The following AGFG1 variants were observed in gnomAD, a reference collection of about 807,000 sequenced individuals.
AGFG1 encodes arf-GAP domain and FG repeat-containing protein 1.
Under a neutral mutation model 60.6 loss-of-function variants are expected in AGFG1, and 10 were observed. That is an observed-to-expected ratio of 0.16 (90% CI 0.10 to 0.28). The LOEUF (loss-of-function observed/expected upper bound fraction) is 0.28. AGFG1 is among the 10% of genes least tolerant of loss of function. The probability of loss-of-function intolerance (pLI) is 1.00; values close to 1 mark genes in which losing one functional copy is unlikely to be tolerated. For missense variants in AGFG1, 537 were observed against 676.5 expected, an observed-to-expected ratio of 0.79 and a Z score of 2.29; for synonymous variants, 247 against 242.9, an observed-to-expected ratio of 1.02 and a Z score of -0.16.
chr2:227,535,162 T>A, intron 8 of AGFG1, 137 bp downstream of exon 8: 1 of 934,860 alleles, frequency 1.1e-6, no homozygotes, highest in East Asian at 2.8e-5. Flanking sequence ...GGAATTTGAA[T>A]TTAAATGCTA....
chr2:227,538,305 TACAGCCAGCCAAAC>T (rs1692373656), intron 10 of AGFG1, among the ~76,000 whole-genome samples: 1 of 152,226 alleles, frequency 6.6e-6, no homozygotes, highest in Non-Finnish European at 1.5e-5. Context: ...ATATTTTGAG[TACAGCCAGCCAAAC>T]TTGTGTTCGA....
chr2:227,540,201 T>TG (rs1031361767), intron 10 of AGFG1, among the ~76,000 whole-genome samples: 1 of 151,740 alleles, frequency 6.6e-6, no homozygotes, highest in African/African-American at 2.4e-5. Flanking sequence ...GCTTTAGTTT[T>TG]TTTTTTTTTT....
At chr2:227,544,659 A>G (rs1019105786) in intron 10 of AGFG1, among the ~76,000 whole-genome samples, 36 of 152,152 alleles carry the variant, frequency 2.4e-4, no homozygotes, top group Non-Finnish European at 1.5e-5. Flanking sequence ...CCTGGTGGTG[A>G]CAGAATCTCT....
chr2:227,532,319 A>G (rs1270994018), intron 6 of AGFG1: 30 of 756,698 alleles, frequency 4.0e-5, no homozygotes, highest in Non-Finnish European at 3.9e-6. Context: ...ATAATCCTTC[A>G]TAAAAATCTC....
In AGFG1 at chr2:227,536,609, C is replaced by G. The variant is rs751364080; in HGVS notation, c.1206-16C>G. ...TTTTAAGAAAAAAAATGAACTCTTT[C>G]AATATTTGTTCTCAGCAATGTTTTT... On this transcript the variant is annotated splice_polypyrimidine_tract_variant and intron_variant, in intron 8 of 12. Coordinates refer to ENST00000310078, the MANE Select transcript of AGFG1 (RefSeq NM_004504.5). 8 of 1,605,088 alleles carry G rather than the reference C, an allele frequency of 5.0e-6. No individual in the cohort carries two copies. Among genetic ancestry groups the G allele is most frequent in the Non-Finnish European group, 6.8e-6 (8 of 1,174,584 alleles).
intron 8 of AGFG1, among the ~76,000 whole-genome samples, chr2:227,535,456 C>G (rs1351456443): frequency 6.6e-6 from 1 of 152,192 alleles, no homozygotes; most frequent in African/African-American, 2.4e-5. Flanking sequence ...AGCCCAAAAT[C>G]AATTCTGTAT....
intron 3 of AGFG1, among the ~76,000 whole-genome samples, 161 bp from the exon 4 acceptor site, chr2:227,523,602 G>A (rs1052038973): frequency 8.5e-5 from 13 of 152,058 alleles, no homozygotes; most frequent in African/African-American, 1.9e-4. Context: ...TTAAGCTGTC[G>A]TTCCTTTTTT....
At chr2:227,521,828 A>G (rs1189263425) in intron 3 of AGFG1, among the ~76,000 whole-genome samples, 1 of 152,018 alleles carries the variant, frequency 6.6e-6, no homozygotes, top group African/African-American at 2.4e-5. Flanking sequence ...TATAACGCAA[A>G]TACCTAGAAA....
intron 2 of AGFG1, among the ~76,000 whole-genome samples, chr2:227,509,520 G>A (rs1011601945): frequency 5.2e-4 from 79 of 152,182 alleles, no homozygotes; most frequent in African/African-American, 1.9e-3. Context: ...CTATGGTTAT[G>A]TAAAAGAACG....
intron 10 of AGFG1, chr2:227,550,037 T>G (rs903267133): frequency 1.4e-5 from 6 of 441,844 alleles, no homozygotes; most frequent in Admixed American, 5.5e-5. Context: ...TTGACGTTGG[T>G]CTCTTTATGG....
chr2:227,473,739 G>T (rs1690194746), intron 1 of AGFG1, among the ~76,000 whole-genome samples: 1 of 152,178 alleles, frequency 6.6e-6, no homozygotes, highest in Non-Finnish European at 1.5e-5. Flanking sequence ...AATACTTTAT[G>T]TGGGAAAATT....
At chr2:227,486,579 T>A (rs549858280) in intron 1 of AGFG1, among the ~76,000 whole-genome samples, 2 of 151,800 alleles carry the variant, frequency 1.3e-5, no homozygotes, top group East Asian at 3.9e-4. Flanking sequence ...CTAACTTAAA[T>A]TTTAATATAT....
chr2:227,491,675 CTTTT>C (rs775926396), intron 2 of AGFG1, 35 bp downstream of exon 2: 1 of 1,315,614 alleles, frequency 7.6e-7, no homozygotes, highest in African/African-American at 1.6e-5. Flanking sequence ...CAATTTTTGA[CTTTT>C]TTGTTGGCAG....
chr2:227,515,888 G>A (rs1424757039), intron 2 of AGFG1, among the ~76,000 whole-genome samples: 1 of 152,134 alleles, frequency 6.6e-6, no homozygotes, highest in African/African-American at 2.4e-5. Context: ...AATGTTGGGA[G>A]CAGAATGCAA....
intron 1 of AGFG1, among the ~76,000 whole-genome samples, chr2:227,490,540 T>G (rs918242048): frequency 2.7e-5 from 4 of 146,844 alleles, no homozygotes; most frequent in African/African-American, 1.0e-4. Flanking sequence ...ACTGCGCCAC[T>G]GCACTCCAGC....
At chr2:227,538,997 T>C (rs970843527) in intron 10 of AGFG1, among the ~76,000 whole-genome samples, 2 of 152,334 alleles carry the variant, frequency 1.3e-5, no homozygotes, top group African/African-American at 4.8e-5. Context: ...TAGATTATTA[T>C]TGAATTGACC....
Position 227,472,508 on chromosome 2 carries a change from C to T in AGFG1, c.87C>T (p.Cys29=). 1 of 1,582,206 alleles carries T rather than the reference C, an allele frequency of 6.3e-7. No homozygotes were observed. Among genetic ancestry groups the T allele is most frequent in the Non-Finnish European group, 8.6e-7 (1 of 1,164,326 alleles). The change falls in exon 1 of 13, where the codon TGC becomes TGT. Residue 29 remains cysteine, a synonymous_variant. Coordinates refer to ENST00000310078, the MANE Select transcript of AGFG1 (RefSeq NM_004504.5). ...CCGGCCTCCCGCACAACCGAAAGTG[C>T]TTCGACTGCGACCAGCGCGGCCCCA... ...DMTGLPHNRK[C]FDCDQRGPTY...
Position 227,555,477 on chromosome 2 carries a change from A to T in AGFG1, c.*982A>T, listed in dbSNP as rs4402755. 0.27 allele frequency: 40,966 copies of T among 150,082 alleles called. 6,924 individuals are homozygous for T. Among genetic ancestry groups the T allele is most frequent in the Non-Finnish European group, 0.38 (25,503 of 67,434 alleles). 9.3% of individuals were successfully genotyped at this position (150,082 alleles called of 1,614,324 possible). A position where few individuals can be genotyped will look rare whatever the true frequency, so the allele number is the denominator to read the frequency against. On this transcript the variant is annotated 3_prime_UTR_variant, in exon 13 of 13. Coordinates refer to ENST00000310078, the MANE Select transcript of AGFG1 (RefSeq NM_004504.5). ...CCTATTTTAACTATTGATTTTTTTT[A>T]AAAAAAATTGTCTTTGAATGTATTG...
At chr2:227,537,910 A>G (rs77835902) in intron 10 of AGFG1, among the ~76,000 whole-genome samples, 7,540 of 152,274 alleles carry the variant, frequency 0.05, 231 homozygotes, top group African/African-American at 0.093. Flanking sequence ...GACAAGATTA[A>G]GAATCACAGT....
Sources: gnomAD v4.1 joint callset for allele counts (sites outside exome capture counted in the v4.1 genomes callset) on GRCh38, gnomAD v4.1.1 for gene constraint, MANE v1.5 for transcripts, NCBI Gene and HGNC (gene_info 2026-07-23, HGNC 2026-07-21) for gene names.